The following MSRA variants were observed in gnomAD, a reference collection of about 807,000 sequenced individuals.
The protein encoded by MSRA is mitochondrial peptide methionine sulfoxide reductase.
MSRA carries 54 observed loss-of-function variants against 31.3 expected under a neutral mutation model. That is an observed-to-expected ratio of 1.73 (90% confidence interval 1.39 to 2.17). MSRA has a LOEUF of 2.17. Ranked by LOEUF, MSRA falls within the 30% of genes most tolerant of loss-of-function variation. The probability of loss-of-function intolerance (pLI) is 0.00; values close to 1 mark genes in which losing one functional copy is unlikely to be tolerated. For missense variants in MSRA, 507 were observed against 300.9 expected, an observed-to-expected ratio of 1.69 and a Z score of -5.07; for synonymous variants, 169 against 116.5, an observed-to-expected ratio of 1.45 and a Z score of -2.90.
intron 3 of MSRA, among the ~76,000 whole-genome samples, chr8:10,286,538 A>G (rs956898425): frequency 2.0e-5 from 3 of 152,296 alleles, no homozygotes; most frequent in Admixed American, 6.5e-5. Context: ...TTATTTTGTA[A>G]GTTGCCCAGT....
intron 1 of MSRA, among the ~76,000 whole-genome samples, chr8:10,117,429 A>T (rs1333680612): frequency 1.3e-5 from 2 of 152,210 alleles, no homozygotes; most frequent in African/African-American, 4.8e-5. Context: ...CGCATTCTGC[A>T]TAGAAAGGGG....
intron 1 of MSRA, among the ~76,000 whole-genome samples, chr8:10,070,958 C>A (rs1429339653): frequency 6.6e-6 from 1 of 152,318 alleles, no homozygotes; most frequent in African/African-American, 2.4e-5. Context: ...CTGCTATGAA[C>A]ATTCATGTCC....
At chr8:10,067,070 C>G (rs1433892099) in intron 1 of MSRA, among the ~76,000 whole-genome samples, 1 of 152,118 alleles carries the variant, frequency 6.6e-6, no homozygotes, top group Admixed American at 6.5e-5. Flanking sequence ...ATCATCCAGT[C>G]TGTGGGTTTT....
chr8:10,398,102 C>G (rs1270010217), intron 5 of MSRA, among the ~76,000 whole-genome samples: 3 of 152,152 alleles, frequency 2.0e-5, no homozygotes, highest in Non-Finnish European at 2.9e-5. Flanking sequence ...ATTTGGGACC[C>G]CACTATCCAG....
At chr8:10,404,698 C>T (rs1002990159) in intron 5 of MSRA, among the ~76,000 whole-genome samples, 5 of 152,386 alleles carry the variant, frequency 3.3e-5, no homozygotes, top group African/African-American at 9.6e-5. Flanking sequence ...CAGCCCGGCC[C>T]TCCGTGCCTT....
intron 4 of MSRA, among the ~76,000 whole-genome samples, chr8:10,317,896 C>T (rs7835960): frequency 0.17 from 26,200 of 152,016 alleles, 2,579 homozygotes; most frequent in African/African-American, 0.26. Context: ...GATCTTTCCA[C>T]GCATCTCTGG....
intron 1 of MSRA, among the ~76,000 whole-genome samples, chr8:10,055,170 T>A (rs200944423): frequency 6.6e-6 from 1 of 152,060 alleles, no homozygotes; most frequent in African/African-American, 2.4e-5. Flanking sequence ...GTGTTCTGGC[T>A]GAGTCACCCC....
At chr8:10,087,609 C>G (rs1035284963) in intron 1 of MSRA, among the ~76,000 whole-genome samples, 6 of 152,292 alleles carry the variant, frequency 3.9e-5, no homozygotes, top group Admixed American at 3.3e-4. Context: ...CTTCCATTTT[C>G]TGTCCCGTGG....
chr8:10,055,212 C>G (rs917645175), intron 1 of MSRA, among the ~76,000 whole-genome samples: 8 of 152,230 alleles, frequency 5.3e-5, no homozygotes, highest in Admixed American at 4.6e-4. Flanking sequence ...GTCGGCCCCG[C>G]TGTCCCCAGG....
At chr8:10,122,494 A>G in intron 1 of MSRA, among the ~76,000 whole-genome samples, 1 of 151,784 alleles carries the variant, frequency 6.6e-6, no homozygotes, top group African/African-American at 2.4e-5. Context: ...GTGGATCCAG[A>G]GTACAGTGGG....
chr8:10,116,456 T>C (rs1364264163), intron 1 of MSRA, among the ~76,000 whole-genome samples: 1 of 152,204 alleles, frequency 6.6e-6, no homozygotes, highest in Non-Finnish European at 1.5e-5. Context: ...GAGCACCTCC[T>C]GTATGCTGAA....
chr8:10,427,720 C>G (rs1380476032), intron 5 of MSRA, among the ~76,000 whole-genome samples: 1 of 152,150 alleles, frequency 6.6e-6, no homozygotes, highest in African/African-American at 2.4e-5. Flanking sequence ...GTTTCATTCC[C>G]TCCCACTGTG....
At chr8:10,206,431 A>G (rs1020690836) in intron 1 of MSRA, among the ~76,000 whole-genome samples, 2 of 152,154 alleles carry the variant, frequency 1.3e-5, no homozygotes, top group Non-Finnish European at 2.9e-5. Flanking sequence ...GAATGCCACA[A>G]TGACTTTACA....
At chr8:10,282,939 C>T (rs1186608497) in intron 3 of MSRA, among the ~76,000 whole-genome samples, 2 of 151,998 alleles carry the variant, frequency 1.3e-5, no homozygotes, top group Non-Finnish European at 2.9e-5. Context: ...CAGAAAAACC[C>T]CCCAAATTTA....
chr8:10,306,177 T>C (rs574409262), intron 4 of MSRA, among the ~76,000 whole-genome samples: 14 of 152,272 alleles, frequency 9.2e-5, no homozygotes, highest in African/African-American at 2.9e-4. Context: ...GGTTGGCCCC[T>C]TCCCAACCAC....
chr8:10,102,227 G>A (rs754357559), intron 1 of MSRA, among the ~76,000 whole-genome samples: 1 of 152,130 alleles, frequency 6.6e-6, no homozygotes, highest in Non-Finnish European at 1.5e-5. Flanking sequence ...TACTTCCCCA[G>A]GTGTGCCCTC....
chr8:10,113,777 T>TAAA, intron 1 of MSRA, among the ~76,000 whole-genome samples: 1 of 150,934 alleles, frequency 6.6e-6, no homozygotes, highest in African/African-American at 2.4e-5. Context: ...TTTTTTTTTT[T>TAAA]AAAAAAAAGA....
At chr8:10,333,820 G>C (rs1024456950) in intron 5 of MSRA, among the ~76,000 whole-genome samples, 1 of 150,714 alleles carries the variant, frequency 6.6e-6, no homozygotes. Context: ...CCCCCCCCAC[G>C]CTGAGTGGGA....
chr8:10,284,433 A>T (rs1307415557), intron 3 of MSRA, among the ~76,000 whole-genome samples: 1 of 152,168 alleles, frequency 6.6e-6, no homozygotes, highest in Non-Finnish European at 1.5e-5. Context: ...ACCTCAAGTG[A>T]ACCACTTGCC....
Sources: allele counts gnomAD v4.1 joint callset (sites outside exome capture counted in the v4.1 genomes callset), GRCh38; gene constraint gnomAD v4.1.1; transcripts MANE v1.5; gene names NCBI Gene and HGNC (gene_info 2026-07-23, HGNC 2026-07-21).